The following FAM227B variants were observed in gnomAD, a reference collection of about 807,000 sequenced individuals.
FAM227B encodes the protein protein FAM227B.
Under a neutral mutation model 73.8 loss-of-function variants are expected in FAM227B, and 88 were observed. The observed-to-expected ratio is 1.19, with a 90% confidence interval of 1.00 to 1.42. The LOEUF (loss-of-function observed/expected upper bound fraction) is 1.42, where lower values mean the gene tolerates loss of function less well. Among genes scored for constraint, FAM227B ranks in the 40% most tolerant of loss-of-function variants. The pLI, the probability that FAM227B is intolerant of heterozygous loss-of-function variation, is 0.00. For missense variants in FAM227B, 632 were observed against 590.9 expected (o/e 1.07, Z -0.72); for synonymous variants, 210 against 190.5 (o/e 1.10, Z -0.84).
chr15:49,452,836 C>T (rs896457479), intron 11 of FAM227B, among the ~76,000 whole-genome samples: 3 of 151,986 alleles, frequency 2.0e-5, no homozygotes, highest in Non-Finnish European at 2.9e-5. Flanking sequence ...ACTCAGCAAA[C>T]GTTAGCTGTT....
chr15:49,474,872 C>T (rs1567348813), intron 11 of FAM227B, among the ~76,000 whole-genome samples: 1 of 152,128 alleles, frequency 6.6e-6, no homozygotes, highest in South Asian at 2.1e-4. Context: ...ACAGTTTCAT[C>T]CTGAACCTCC....
At chr15:49,564,143 C>A (rs2074460188) in intron 9 of FAM227B, among the ~76,000 whole-genome samples, 1 of 151,960 alleles carries the variant, frequency 6.6e-6, no homozygotes, top group Non-Finnish European at 1.5e-5. Context: ...AGCAATTCAA[C>A]AAAGAAGAAA....
intron 11 of FAM227B, among the ~76,000 whole-genome samples, chr15:49,407,928 C>G (rs1247395288): frequency 6.6e-6 from 1 of 152,018 alleles, no homozygotes; most frequent in East Asian, 1.9e-4. Context: ...TAAAATGGAA[C>G]CATACAGCAT....
intron 5 of FAM227B, among the ~76,000 whole-genome samples, chr15:49,584,465 T>G (rs1415760465): frequency 6.6e-6 from 1 of 152,162 alleles, no homozygotes; most frequent in African/African-American, 2.4e-5. Context: ...AAGAAAAGGA[T>G]GCCCTCTCTC....
chr15:49,503,497 A>C (rs2058317215), intron 11 of FAM227B, among the ~76,000 whole-genome samples: 2 of 152,226 alleles, frequency 1.3e-5, no homozygotes, highest in Admixed American at 1.3e-4. Flanking sequence ...CAACCTACAG[A>C]ATGGGAGAAA....
intron 11 of FAM227B, among the ~76,000 whole-genome samples, chr15:49,406,401 G>A (rs1266849421): frequency 6.6e-6 from 1 of 152,178 alleles, no homozygotes; most frequent in African/African-American, 2.4e-5. Flanking sequence ...GGTGACTGCA[G>A]GCGGTTGCAC....
chr15:49,526,268 A>G (rs571763534), intron 10 of FAM227B, among the ~76,000 whole-genome samples: 2 of 152,274 alleles, frequency 1.3e-5, no homozygotes, highest in Admixed American at 6.5e-5. Context: ...TTACACAAGT[A>G]CAGGGAAACG....
At chr15:49,383,942 A>C (rs904171857) in intron 11 of FAM227B, among the ~76,000 whole-genome samples, 1 of 152,078 alleles carries the variant, frequency 6.6e-6, no homozygotes, top group African/African-American at 2.4e-5. Context: ...GCTTTGAATG[A>C]GGAGCCAGCA....
At chr15:49,558,346 G>T (rs1311795277) in intron 9 of FAM227B, among the ~76,000 whole-genome samples, 1 of 152,130 alleles carries the variant, frequency 6.6e-6, no homozygotes, top group African/African-American at 2.4e-5. Context: ...AACAAACAAG[G>T]CTTGGCACCT....
At chr15:49,524,556 A>G (rs1597874202) in intron 10 of FAM227B, among the ~76,000 whole-genome samples, 1 of 152,234 alleles carries the variant, frequency 6.6e-6, no homozygotes, top group South Asian at 2.1e-4. Context: ...GCCCCCACAG[A>G]GTCCCTATTG....
intron 11 of FAM227B, among the ~76,000 whole-genome samples, chr15:49,475,880 A>G (rs2055218842): frequency 6.6e-6 from 1 of 152,138 alleles, no homozygotes; most frequent in Non-Finnish European, 1.5e-5. Context: ...TGCAGCTACA[A>G]GGGAGGCTGA....
chr15:49,364,957 A>C (rs1364006501), intron 13 of FAM227B, among the ~76,000 whole-genome samples: 1 of 152,188 alleles, frequency 6.6e-6, no homozygotes, highest in Non-Finnish European at 1.5e-5. Context: ...TTAAAAGCAA[A>C]GCATTTTAAT....
chr15:49,441,156 G>A (rs1195684315), intron 11 of FAM227B, among the ~76,000 whole-genome samples: 4 of 151,656 alleles, frequency 2.6e-5, no homozygotes, highest in Non-Finnish European at 4.4e-5. Context: ...ACCTTAAAAG[G>A]AGAAGAGAAT....
chr15:49,551,101 G>A (rs972237283), intron 9 of FAM227B, among the ~76,000 whole-genome samples: 7 of 152,338 alleles, frequency 4.6e-5, no homozygotes, highest in East Asian at 1.9e-4. Flanking sequence ...CCAACACAGC[G>A]AAACCCCGTC....
chr15:49,525,720 CACAA>C lies in FAM227B; in HGVS notation c.874+15956_874+15959del, dbSNP rs2060148293. Among the ~76,000 whole-genome samples the C allele has an allele frequency of 1.3e-4, 12 of 90,482 alleles. 1 individual carries two copies. The South Asian group carries it at 4.4e-3, about 33-fold the overall frequency. The allele number at this position is 90,482 out of a possible 152,430, so 59.4% of individuals were successfully genotyped here. ...TATATATATATATATATATATATAT[CACAA>C]ACAGAGCACAAAAATGAACAGGAGT... is the stretch of plus-strand genomic sequence containing the variant. On this transcript the variant is annotated intron_variant, in intron 10 of 15. Transcript: ENST00000299338.
At chr15:49,443,195 C>T (rs2051837348) in intron 11 of FAM227B, among the ~76,000 whole-genome samples, 1 of 151,532 alleles carries the variant, frequency 6.6e-6, no homozygotes, top group African/African-American at 2.4e-5. Flanking sequence ...CATTATTAAA[C>T]ATTTAATTAC....
chr15:49,609,262 G>T (rs972536630), intron 3 of FAM227B, among the ~76,000 whole-genome samples: 1 of 151,830 alleles, frequency 6.6e-6, no homozygotes, highest in Non-Finnish European at 1.5e-5. Flanking sequence ...ATAGAGAAAT[G>T]AGAGGATAAA....
At chr15:49,386,452 G>A (rs1055501382) in intron 11 of FAM227B, among the ~76,000 whole-genome samples, 11 of 151,632 alleles carry the variant, frequency 7.3e-5, no homozygotes, top group Non-Finnish European at 1.2e-4. Context: ...TATTTGAATT[G>A]AATGATGATA....
intron 5 of FAM227B, among the ~76,000 whole-genome samples, chr15:49,580,487 T>C (rs562366368): frequency 9.2e-5 from 14 of 152,222 alleles, no homozygotes; most frequent in African/African-American, 9.6e-5. Flanking sequence ...ACAAAGCCAA[T>C]TGACTACACT....
Sources: allele counts gnomAD v4.1 joint callset (sites outside exome capture counted in the v4.1 genomes callset), GRCh38; gene constraint gnomAD v4.1.1; transcripts MANE v1.5; gene names NCBI Gene and HGNC (gene_info 2026-07-23, HGNC 2026-07-21).